The following IQSEC1 variants were observed in gnomAD, a reference collection of about 807,000 sequenced individuals.
IQSEC1 encodes the protein IQ motif and Sec7 domain ArfGEF 1, also known as IQ motif and SEC7 domain-containing protein 1.
In IQSEC1, 31 loss-of-function variants were observed where a neutral mutation model predicts 91.0. The observed-to-expected ratio is 0.34, with a 90% CI of 0.26 to 0.46. IQSEC1 has a LOEUF of 0.46. Among genes scored for constraint, IQSEC1 ranks in the 20% least tolerant of loss-of-function variants. IQSEC1 has a pLI of 1.00. For missense variants in IQSEC1, 1,388 were observed against 1,575.6 expected, an observed-to-expected ratio of 0.88 and a Z score of 2.02; for synonymous variants, 699 against 662.6, an observed-to-expected ratio of 1.05 and a Z score of -0.84.
chr3:13,203,036 G>A (rs1032304661), intron 1 of IQSEC1, among the ~76,000 whole-genome samples: 11 of 152,142 alleles, frequency 7.2e-5, no homozygotes, highest in East Asian at 3.9e-4. Context: ...CACATAGTGC[G>A]TCACCCAGCT....
Position 12,899,636 on chromosome 3 carries a change from G to A in IQSEC1, c.*1347C>T, listed in dbSNP as rs1694021262. On this transcript the variant is annotated 3_prime_UTR_variant, in exon 14 of 14. Transcript: ENST00000613206. Reference sequence around the variant, plus strand: ...GTCGGCTGGGGTCACACGGGCCACGGTGAGGACACAGGGGTTCTGCTAGCA... The same window carrying A: ...GTCGGCTGGGGTCACACGGGCCACGATGAGGACACAGGGGTTCTGCTAGCA... The A allele has an allele frequency of 1.0e-6, 1 of 985,462 alleles. No homozygotes were observed. Among genetic ancestry groups the A allele is most frequent in the Non-Finnish European group, 1.2e-6 (1 of 829,936 alleles). 61.0% of individuals were successfully genotyped at this position (985,462 alleles called of 1,614,324 possible).
At chr3:12,915,919 G>A (rs1165794921) in intron 6 of IQSEC1, among the ~76,000 whole-genome samples, 186 bp from the exon 7 acceptor site, 1 of 152,164 alleles carries the variant, frequency 6.6e-6, no homozygotes, top group Non-Finnish European at 1.5e-5. Context: ...TACCAGAACG[G>A]GCCCAATACA....
chr3:12,899,959 G>A lies in IQSEC1; in HGVS notation c.*1024C>T, dbSNP rs11706643. 28,800 of 985,098 alleles carry A rather than the reference G, an allele frequency of 0.029. 499 individuals carry two copies. Among genetic ancestry groups the A allele is most frequent in the Middle Eastern group, 0.036 (69 of 1,912 alleles). The allele number at this position is 985,098 out of a possible 1,614,324, so 61.0% of individuals were successfully genotyped here. A position where few individuals can be genotyped will look rare whatever the true frequency, so the allele number is the denominator to read the frequency against. On this transcript the variant is annotated 3_prime_UTR_variant, in exon 14 of 14. Coordinates refer to ENST00000613206, the MANE Select transcript of IQSEC1 (RefSeq NM_001134382.3). Reference sequence around the variant, plus strand: ...AATGAGTGTGCGTCAAATCATATGCGCATAAAAGAAACATGGATCATGGAG... The same window carrying A: ...AATGAGTGTGCGTCAAATCATATGCACATAAAAGAAACATGGATCATGGAG...
chr3:13,273,826 T>C (rs1296259577), intron 1 of IQSEC1, among the ~76,000 whole-genome samples: 1 of 152,182 alleles, frequency 6.6e-6, no homozygotes, highest in Non-Finnish European at 1.5e-5. Context: ...CTGCTGGCTC[T>C]GCCTCACCCC....
At chr3:13,254,072 T>C (rs925254541) in intron 1 of IQSEC1, among the ~76,000 whole-genome samples, 4 of 152,238 alleles carry the variant, frequency 2.6e-5, no homozygotes, top group Non-Finnish European at 5.9e-5. Flanking sequence ...CAGAGGGCAC[T>C]TCGGGCCACA....
chr3:13,264,443 G>C (rs1468218356), intron 1 of IQSEC1, among the ~76,000 whole-genome samples: 1 of 152,158 alleles, frequency 6.6e-6, no homozygotes, highest in Non-Finnish European at 1.5e-5. Context: ...TGTTCGCCTG[G>C]GTTCCTGTTC....
chr3:13,181,912 C>T (rs1339105228), intron 1 of IQSEC1, among the ~76,000 whole-genome samples: 1 of 152,170 alleles, frequency 6.6e-6, no homozygotes. Context: ...TGTGACTTCC[C>T]CAAGAGCAGT....
chr3:12,959,678 C>T (rs1243516179), intron 1 of IQSEC1, among the ~76,000 whole-genome samples: 8 of 152,178 alleles, frequency 5.3e-5, no homozygotes, highest in Admixed American at 4.6e-4. Flanking sequence ...ATGACTTTTC[C>T]AAGGCTAGAA....
intron 1 of IQSEC1, among the ~76,000 whole-genome samples, chr3:13,042,701 G>A (rs2125043730): frequency 1.3e-5 from 2 of 152,256 alleles, no homozygotes; most frequent in South Asian, 4.1e-4. Context: ...GGGGCCCCCA[G>A]TCCATCATCC....
Position 12,899,878 on chromosome 3 carries a change from T to A in IQSEC1, c.*1105A>T. ...AGACGAGGATGAGAGCTGGTCACTTTCATGTTGGAGATGAACACTTCTGCC... is the reference window on the plus strand; with the variant it reads ...AGACGAGGATGAGAGCTGGTCACTTACATGTTGGAGATGAACACTTCTGCC... On this transcript the variant is annotated 3_prime_UTR_variant, in exon 14 of 14. Coordinates refer to ENST00000613206, the MANE Select transcript of IQSEC1 (RefSeq NM_001134382.3). 1 of 985,172 alleles carries A rather than the reference T, an allele frequency of 1.0e-6. No homozygotes were observed. Among genetic ancestry groups the A allele is most frequent in the Non-Finnish European group, 1.2e-6 (1 of 829,870 alleles). 61.0% of individuals were successfully genotyped at this position (985,172 alleles called of 1,614,324 possible).
In IQSEC1 at chr3:12,970,159, T is replaced by C. The variant is rs540909345; in HGVS notation, c.24-28294A>G. Among the ~76,000 whole-genome samples the C allele has an allele frequency of 6.6e-6, 1 of 152,336 alleles. No individual in the cohort carries two copies. Among genetic ancestry groups the C allele is most frequent in the East Asian group, 1.9e-4 (1 of 5,192 alleles). On this transcript the variant is annotated intron_variant, in intron 1 of 13. Transcript: ENST00000613206. The surrounding 1 kb of genome is among the most constrained non-coding windows in gnomAD (Gnocchi z 4.4). ...GCTGTTTAATTTAATTTAGCAAGCA[T>C]TAATTAGTACTTACTCTGAGGCCTC...
chr3:12,899,689 C>T lies in IQSEC1; in HGVS notation c.*1294G>A, dbSNP rs1559591058. 3 of 985,460 alleles carry T rather than the reference C, an allele frequency of 3.0e-6. No individual in the cohort carries two copies. The highest frequency in any genetic ancestry group is 3.6e-6 in the Non-Finnish European group (3 of 829,936). 61.0% of individuals were successfully genotyped at this position (985,460 alleles called of 1,614,324 possible). On this transcript the variant is annotated 3_prime_UTR_variant, in exon 14 of 14. Coordinates refer to ENST00000613206, the MANE Select transcript of IQSEC1 (RefSeq NM_001134382.3). ...TGGCTACATGGAATTACGGTGATCA[C>T]TGCTACCACTCAGAAAACAAAACGG...
At chr3:13,060,511 C>T (rs2015179) in intron 1 of IQSEC1, among the ~76,000 whole-genome samples, 16,768 of 152,228 alleles carry the variant, frequency 0.11, 3,041 homozygotes, top group African/African-American at 0.38. Flanking sequence ...GGCTTTCCAC[C>T]GATGGGCGGG....
chr3:13,017,721 T>C (rs1467468289), intron 1 of IQSEC1, among the ~76,000 whole-genome samples: 1 of 152,000 alleles, frequency 6.6e-6, no homozygotes, highest in African/African-American at 2.4e-5. Context: ...CGGCAGTCAC[T>C]AGCAGAGATG....
chr3:13,162,047 C>A (rs541248313), intron 2 of IQSEC1, among the ~76,000 whole-genome samples: 5 of 152,314 alleles, frequency 3.3e-5, no homozygotes, highest in African/African-American at 1.2e-4. Flanking sequence ...TCCTGATGAT[C>A]CGCTGGAGTG....
In IQSEC1 at chr3:12,909,243, G is replaced by T; in HGVS notation, c.2578+30C>A. 1 of 1,607,698 alleles carries T rather than the reference G, an allele frequency of 6.2e-7. No individual in the cohort carries two copies. Among genetic ancestry groups the T allele is most frequent in the East Asian group, 2.2e-5 (1 of 44,728 alleles). On this transcript the variant is annotated intron_variant, in intron 11 of 13. Coordinates refer to ENST00000613206, the MANE Select transcript of IQSEC1 (RefSeq NM_001134382.3). This position sits in a 1 kb window ranked among gnomAD's most constrained non-coding sequence, Gnocchi z 4.9. ...CAAGTGCCAGAGTCTGGCAAGTCTC[G>T]GCCTTCTGTCCATGAGGCCTGGTAC...
At chr3:13,250,719 G>A (rs986308549) in intron 1 of IQSEC1, among the ~76,000 whole-genome samples, 1 of 151,388 alleles carries the variant, frequency 6.6e-6, no homozygotes, top group Non-Finnish European at 1.5e-5. Flanking sequence ...TGCCCGCCTC[G>A]GCCTCCCAAA....
intron 2 of IQSEC1, among the ~76,000 whole-genome samples, chr3:13,125,950 T>A (rs1576261711): frequency 1.3e-5 from 2 of 152,336 alleles, no homozygotes; most frequent in East Asian, 3.9e-4. Context: ...AGATGCCTCC[T>A]GCACTGCATG....
chr3:13,162,322 C>T (rs183439955), intron 2 of IQSEC1, among the ~76,000 whole-genome samples: 98 of 152,242 alleles, frequency 6.4e-4, no homozygotes, highest in African/African-American at 2.1e-3. Flanking sequence ...AGAGGCAGGC[C>T]AGGGAGGGCC....
Sources: allele counts gnomAD v4.1 joint callset (sites outside exome capture counted in the v4.1 genomes callset), GRCh38; gene constraint gnomAD v4.1.1; non-coding constraint Gnocchi (gnomAD v3.1); transcripts MANE v1.5; gene names NCBI Gene and HGNC (gene_info 2026-07-23, HGNC 2026-07-21).